Variants in FAM184A observed in about 807,000 individuals in gnomAD.
FAM184A encodes protein FAM184A.
FAM184A carries 99 observed loss-of-function variants against 143.8 expected under a neutral mutation model. The ratio of observed to expected loss-of-function variants is 0.69; its 90% CI spans 0.58 to 0.81. The LOEUF is 0.81. Ranked by LOEUF, FAM184A falls within the 40% of genes least tolerant of loss-of-function variation. The pLI is 0.00. For synonymous variants in FAM184A, 427 were observed against 446.4 expected, an observed-to-expected ratio of 0.96 and a Z score of 0.55; for missense variants, 1,217 against 1,310.5, an observed-to-expected ratio of 0.93 and a Z score of 1.10.
intron 16 of FAM184A, chr6:118,963,727 T>A (rs1024049508): frequency 1.3e-5 from 2 of 151,942 alleles, no homozygotes; most frequent in South Asian, 2.1e-4. Context: ...CTACTACTGA[T>A]TTCTGCCATA....
intron 1 of FAM184A, among the ~76,000 whole-genome samples, chr6:119,131,214 G>A (rs2114876032): frequency 6.6e-6 from 1 of 152,208 alleles, no homozygotes; most frequent in African/African-American, 2.4e-5. Context: ...GAAGGAAATG[G>A]CCCTTTACTT....
chr6:119,042,359 C>A (rs546734593), intron 1 of FAM184A, among the ~76,000 whole-genome samples: 1 of 152,286 alleles, frequency 6.6e-6, no homozygotes, highest in Non-Finnish European at 1.5e-5. Flanking sequence ...GATGCATTCC[C>A]CAAAACTGGG....
At position 118,959,940 on chromosome 6, in the gene FAM184A, G is replaced by T; in HGVS notation, c.*163C>A. 1.9e-6 allele frequency: 1 copy of T among 515,484 alleles called. No homozygotes were observed. Among genetic ancestry groups the T allele is most frequent in the Non-Finnish European group, 3.4e-6 (1 of 292,860 alleles). The allele number at this position is 515,484 out of a possible 1,614,324, so 31.9% of individuals were successfully genotyped here. ...CACATAATATAGTACCTTATAGAAT[G>T]ATTCCAATAAATATCACAGGAAATA... On this transcript the variant is annotated 3_prime_UTR_variant, in exon 18 of 18. Coordinates refer to ENST00000338891, the MANE Select transcript of FAM184A (RefSeq NM_024581.6).
At chr6:119,020,275 T>C (rs1347374742) in intron 3 of FAM184A, 116 bp from the exon 4 acceptor site, 4 of 757,234 alleles carry the variant, frequency 5.3e-6, no homozygotes, top group Non-Finnish European at 7.4e-6. Flanking sequence ...ATGGTCTACA[T>C]GTACAAATTT....
chr6:118,980,372 A>G (rs199684140), intron 9 of FAM184A, 22 bp from the exon 10 acceptor site: 17 of 1,593,096 alleles, frequency 1.1e-5, no homozygotes, highest in Non-Finnish European at 1.5e-5. Flanking sequence ...AATGGTACAC[A>G]ATGAAGAATA....
At chr6:119,100,414 A>G (rs1280788174) in intron 1 of FAM184A, among the ~76,000 whole-genome samples, 3 of 152,186 alleles carry the variant, frequency 2.0e-5, no homozygotes, top group Non-Finnish European at 4.4e-5. Context: ...TTTATCCATC[A>G]ATGTCTGCCC....
At chr6:119,091,280 T>C (rs1329925449) in intron 1 of FAM184A, among the ~76,000 whole-genome samples, 1 of 152,192 alleles carries the variant, frequency 6.6e-6, no homozygotes, top group East Asian at 1.9e-4. Flanking sequence ...AGTGGGTCGC[T>C]GGGTATGACG....
At position 119,078,238 on chromosome 6, in the gene FAM184A, G is replaced by A. The variant is rs1472915470; in HGVS notation, c.62C>T (p.Ala21Val). The A allele has an allele frequency of 2.0e-6, 3 of 1,531,742 alleles. No homozygotes were observed. Among genetic ancestry groups the A allele is most frequent in the South Asian group, 2.4e-5 (2 of 82,780 alleles). 94.9% of individuals were successfully genotyped at this position (1,531,742 alleles called of 1,614,324 possible). ...CAGCTGTGCGGTGGCCGGCGAGGGC[G>A]CGAATTTGGCCGCCGAGCCGCCGTA... ...HYYGGSAAKFAPSPATAQLAG... is the reference protein window; with the variant it reads ...HYYGGSAAKFVPSPATAQLAG... Residue 21 changes from alanine to valine, a missense_variant, in exon 1 of 18, where the codon GCG (alanine) becomes GTG (valine). By Grantham distance (64) the Ala-to-Val change is moderately conservative. Coordinates refer to ENST00000338891, the MANE Select transcript of FAM184A (RefSeq NM_024581.6). The surrounding 1 kb of genome is among the most constrained non-coding windows in gnomAD (Gnocchi z 5.5).
chr6:119,101,145 C>T (rs1360157054), intron 1 of FAM184A, among the ~76,000 whole-genome samples: 2 of 147,944 alleles, frequency 1.4e-5, no homozygotes, highest in African/African-American at 5.0e-5. Flanking sequence ...CGGCTCACTG[C>T]ACCCTCCACC....
chr6:119,010,364 T>G (rs965195977), intron 6 of FAM184A, among the ~76,000 whole-genome samples: 1 of 152,184 alleles, frequency 6.6e-6, no homozygotes, highest in East Asian at 1.9e-4. Flanking sequence ...AGTTTCTGAG[T>G]GCTTATTTCT....
At chr6:119,139,542 T>C (rs989392100) in intron 1 of FAM184A, among the ~76,000 whole-genome samples, 8 of 151,518 alleles carry the variant, frequency 5.3e-5, no homozygotes, top group Non-Finnish European at 4.4e-5. Context: ...CAGGAAAAAA[T>C]TCAAGTGAAT....
intron 1 of FAM184A, among the ~76,000 whole-genome samples, chr6:119,085,655 C>A (rs1260265998): frequency 2.0e-5 from 3 of 152,214 alleles, no homozygotes; most frequent in Admixed American, 6.5e-5. Flanking sequence ...ACGCCCCACT[C>A]TTTGGTACCA....
At chr6:119,070,060 C>G (rs984891245) in intron 1 of FAM184A, among the ~76,000 whole-genome samples, 1 of 152,004 alleles carries the variant, frequency 6.6e-6, no homozygotes. Context: ...CACATGGTAG[C>G]CAAGTCTAAA....
chr6:119,023,216 A>G (rs567571935), intron 2 of FAM184A, 136 bp from the exon 3 acceptor site: 2 of 853,788 alleles, frequency 2.3e-6, no homozygotes, highest in African/African-American at 1.7e-5. Context: ...ATCTGTAAGT[A>G]TTAGTGATTT....
intron 9 of FAM184A, among the ~76,000 whole-genome samples, chr6:118,987,487 T>C (rs1464596103): frequency 2.0e-5 from 3 of 152,202 alleles, no homozygotes; most frequent in Non-Finnish European, 4.4e-5. Flanking sequence ...GAGTGTTAAA[T>C]GGAATATTAT....
chr6:119,125,465 G>A (rs1215550786), intron 1 of FAM184A, among the ~76,000 whole-genome samples: 1 of 152,114 alleles, frequency 6.6e-6, no homozygotes, highest in South Asian at 2.1e-4. Flanking sequence ...TAGAGATGAG[G>A]TTTCACTGTG....
chr6:119,115,520 T>C (rs1789032787), intron 1 of FAM184A, among the ~76,000 whole-genome samples: 1 of 152,208 alleles, frequency 6.6e-6, no homozygotes, highest in Non-Finnish European at 1.5e-5. Context: ...AGTGAGATCC[T>C]GTCTCTAATT....
chr6:119,129,720 GTGT>G (rs986692563), intron 1 of FAM184A, among the ~76,000 whole-genome samples: 1 of 124,992 alleles, frequency 8.0e-6, no homozygotes, highest in Admixed American at 8.1e-5. Flanking sequence ...TTGTGTGTGT[GTGT>G]GGGGGGTTGT....
At chr6:118,967,590 G>A (rs1783541368) in intron 14 of FAM184A, among the ~76,000 whole-genome samples, 1 of 152,132 alleles carries the variant, frequency 6.6e-6, no homozygotes, top group Non-Finnish European at 1.5e-5. Flanking sequence ...GGTGGTAATA[G>A]GCCTGAATGC....
Sources: allele counts gnomAD v4.1 joint callset (sites outside exome capture counted in the v4.1 genomes callset), GRCh38; gene constraint gnomAD v4.1.1; non-coding constraint Gnocchi (gnomAD v3.1); transcripts MANE v1.5; gene names NCBI Gene and HGNC (gene_info 2026-07-23, HGNC 2026-07-21).